CFAP47: variants seen among roughly 807,000 people sequenced by gnomAD.
CFAP47 encodes the protein cilia- and flagella-associated protein 47.
CFAP47 carries 29 observed loss-of-function variants against 148.1 expected under a neutral mutation model. The observed-to-expected ratio is 0.20, with a 90% CI of 0.15 to 0.27. CFAP47 has a LOEUF of 0.27. Ranked by LOEUF, CFAP47 falls within the 10% of genes least tolerant of loss-of-function variation. The probability of loss-of-function intolerance (pLI) is 1.00; values close to 1 mark genes in which losing one functional copy is unlikely to be tolerated. For missense variants in CFAP47, 1,872 were observed against 1,697.5 expected (o/e 1.10, Z -1.81); for synonymous variants, 664 against 577.3 (o/e 1.15, Z -2.15).
chrX:36,278,166 C>T (rs1388262872), intron 49 of CFAP47, among the ~76,000 whole-genome samples: 1 of 112,486 alleles, frequency 8.9e-6, no homozygotes, highest in Non-Finnish European at 1.9e-5. Flanking sequence ...TTTCTAATGC[C>T]TTTTGTTCAG....
intron 24 of CFAP47, among the ~76,000 whole-genome samples, chrX:36,038,652 G>A (rs1010314270): frequency 2.7e-5 from 3 of 112,020 alleles, no homozygotes; most frequent in African/African-American, 9.7e-5. Context: ...GGCCTGGGAA[G>A]CTTCTATTAA....
At chrX:36,060,949 G>T (rs1329050995) in intron 26 of CFAP47, among the ~76,000 whole-genome samples, 2 of 111,490 alleles carry the variant, frequency 1.8e-5, no homozygotes, top group Admixed American at 1.9e-4. Flanking sequence ...TTATCTGTTA[G>T]AAATAAATAA....
At chrX:36,317,500 C>G (rs1178884434) in intron 56 of CFAP47, among the ~76,000 whole-genome samples, 3 of 109,044 alleles carry the variant, frequency 2.8e-5, no homozygotes, top group Non-Finnish European at 5.7e-5. Context: ...AGCTCCGCCT[C>G]CTAGGTTCAT....
At chrX:36,028,591 T>A (rs768044733) in intron 22 of CFAP47, among the ~76,000 whole-genome samples, 4 of 111,364 alleles carry the variant, frequency 3.6e-5, no homozygotes, top group Non-Finnish European at 5.7e-5. Flanking sequence ...CTTCCTTGGT[T>A]AGTATTTTAT....
At chrX:36,211,565 G>C (rs7058035) in intron 45 of CFAP47, 7,184 of 296,060 alleles carry the variant, frequency 0.024, 545 homozygotes, top group African/African-American at 0.19. Flanking sequence ...CTGTGAAGCT[G>C]AAGGAAAAAT....
chrX:36,073,056 T>G, intron 28 of CFAP47, 83 bp from the exon 29 acceptor site: 3 of 617,524 alleles, frequency 4.9e-6, no homozygotes, highest in Non-Finnish European at 5.2e-6. Context: ...GTTCTATTAG[T>G]CTGCATACAA....
intron 24 of CFAP47, 23 bp from the exon 25 acceptor site, chrX:36,038,961 C>A: frequency 1.3e-6 from 1 of 793,442 alleles, no homozygotes; most frequent in Non-Finnish European, 1.7e-6. Context: ...TTTAAAATAC[C>A]CTTAAAATTT....
At chrX:36,252,296 A>G (rs1940701890) in intron 49 of CFAP47, among the ~76,000 whole-genome samples, 1 of 109,116 alleles carries the variant, frequency 9.2e-6, no homozygotes, top group Non-Finnish European at 1.9e-5. Flanking sequence ...TATATCTAGT[A>G]TAGAAGCGAT....
chrX:35,959,544 C>A (rs1274146911), intron 8 of CFAP47, among the ~76,000 whole-genome samples: 1 of 111,775 alleles, frequency 8.9e-6, no homozygotes, highest in African/African-American at 3.3e-5. Flanking sequence ...CGCGGTGGCT[C>A]ACGCCTGTAA....
At chrX:35,958,981 G>A (rs745972102) in intron 8 of CFAP47, among the ~76,000 whole-genome samples, 1 of 111,540 alleles carries the variant, frequency 9.0e-6, no homozygotes, top group African/African-American at 3.3e-5. Flanking sequence ...AAGGTGGAAG[G>A]GGGTGGGGTG....
intron 28 of CFAP47, among the ~76,000 whole-genome samples, chrX:36,072,367 ACT>A (rs1311503544): frequency 1.5e-4 from 17 of 111,643 alleles, no homozygotes; most frequent in African/African-American, 5.5e-4. Context: ...CATCCCAAGC[ACT>A]CTCTGTGCAC....
At chrX:36,298,603 G>T (rs1222572071) in intron 51 of CFAP47, among the ~76,000 whole-genome samples, 1 of 111,693 alleles carries the variant, frequency 9.0e-6, no homozygotes, top group Non-Finnish European at 1.9e-5. Context: ...CTCTGCTGGT[G>T]ATTCTTATGT....
At chrX:36,257,124 A>G (rs1439302961) in intron 49 of CFAP47, among the ~76,000 whole-genome samples, 4 of 112,240 alleles carry the variant, frequency 3.6e-5, no homozygotes, top group Non-Finnish European at 7.5e-5. Flanking sequence ...ATACAGTTTC[A>G]TCTCCAAGGA....
intron 15 of CFAP47, among the ~76,000 whole-genome samples, chrX:35,983,872 T>C (rs1254264782): frequency 8.9e-6 from 1 of 112,088 alleles, no homozygotes; most frequent in Non-Finnish European, 1.9e-5. Context: ...GCTAGTAATT[T>C]GCTAAGAATC....
chrX:36,202,653 G>A (rs1555988217), intron 44 of CFAP47, among the ~76,000 whole-genome samples: 1 of 111,312 alleles, frequency 9.0e-6, no homozygotes, highest in African/African-American at 3.3e-5. Context: ...CAAGGCAGGT[G>A]GATTACCTGA....
At chrX:36,183,647 G>C (rs1705857697) in intron 40 of CFAP47, among the ~76,000 whole-genome samples, 1 of 111,981 alleles carries the variant, frequency 8.9e-6, no homozygotes, top group African/African-American at 3.2e-5. Context: ...CTCTTTGTAA[G>C]CAATCAGATA....
intron 35 of CFAP47, among the ~76,000 whole-genome samples, chrX:36,143,224 C>G (rs1331416541): frequency 8.9e-6 from 1 of 111,989 alleles, no homozygotes; most frequent in Non-Finnish European, 1.9e-5. Flanking sequence ...TTTGCCCAGG[C>G]ACCTTCGTTG....
chrX:36,029,309 G>A (rs182977676), intron 22 of CFAP47, among the ~76,000 whole-genome samples: 59 of 110,512 alleles, frequency 5.3e-4, no homozygotes, highest in Non-Finnish European at 8.4e-4. Context: ...TAGCTTATCC[G>A]TTTTTTAAAC....
At chrX:36,338,015 G>A (rs868940021) in intron 57 of CFAP47, among the ~76,000 whole-genome samples, 3 of 99,218 alleles carry the variant, frequency 3.0e-5, no homozygotes, top group East Asian at 3.1e-4. Context: ...GACTACAGGC[G>A]CCCGCCACTA....
Sources: gnomAD v4.1 joint callset for allele counts (sites outside exome capture counted in the v4.1 genomes callset) on GRCh38, gnomAD v4.1.1 for gene constraint, MANE v1.5 for transcripts, NCBI Gene and HGNC (gene_info 2026-07-23, HGNC 2026-07-21) for gene names.